SPATA6L: variants seen among roughly 807,000 people sequenced by gnomAD.
SPATA6L encodes spermatogenesis associated 6-like protein.
Under a neutral mutation model 49.2 loss-of-function variants are expected in SPATA6L, and 68 were observed. That is an observed-to-expected ratio of 1.38 (90% CI 1.14 to 1.69). The LOEUF (loss-of-function observed/expected upper bound fraction) is 1.69. Among genes scored for constraint, SPATA6L ranks in the 40% most tolerant of loss-of-function variants. The probability of loss-of-function intolerance (pLI) is 0.00; values close to 1 mark genes in which losing one functional copy is unlikely to be tolerated. For missense variants in SPATA6L, 668 were observed against 464.3 expected (o/e 1.44, Z -4.03); for synonymous variants, 198 against 165.7 (o/e 1.19, Z -1.50).
In SPATA6L at chr9:4,599,858, G is replaced by A. The variant is rs986853011; in HGVS notation, c.*953C>T. Among the ~76,000 whole-genome samples the A allele has an allele frequency of 1.3e-5, 2 of 152,168 alleles. No individual in the cohort carries two copies. The highest frequency in any genetic ancestry group is 2.4e-5 in the African/African-American group (1 of 41,424). On this transcript the variant is annotated 3_prime_UTR_variant, in exon 12 of 12. Coordinates refer to ENST00000682582, the MANE Select transcript of SPATA6L (RefSeq NM_001353486.2). Reference sequence around the variant, plus strand: ...CATTCACACTATAGTAGGGCTGGTAGAGGAAAATGCTATGCTTACACTATG... The same window carrying A: ...CATTCACACTATAGTAGGGCTGGTAAAGGAAAATGCTATGCTTACACTATG...
chr9:4,618,177 G>T, intron 8 of SPATA6L, 67 bp from the exon 9 acceptor site: 1 of 1,420,348 alleles, frequency 7.0e-7, no homozygotes, highest in African/African-American at 1.4e-5. Context: ...AGCTGGGGGT[G>T]GGGGTTGGAC....
rs1228150088 is a variant in SPATA6L at position 4,605,944 on chromosome 9, G to C, written c.996-504C>G. ...AGTGCCAGACAGTGGGCGCAGGCCA[G>C]TGTGTGCGCGCACCGTGCGCGAGCC... On this transcript the variant is annotated intron_variant, in intron 9 of 11. Transcript: ENST00000682582. Among the ~76,000 whole-genome samples the C allele has an allele frequency of 2.0e-5, 3 of 152,170 alleles. No individual in the cohort carries two copies. In the East Asian group the frequency reaches 5.8e-4, roughly 29 times the overall value.
intron 10 of SPATA6L, among the ~76,000 whole-genome samples, 161 bp from the exon 11 acceptor site, chr9:4,604,430 T>A (rs1352204545): frequency 2.0e-5 from 3 of 152,274 alleles, no homozygotes; most frequent in Non-Finnish European, 4.4e-5. Flanking sequence ...TCTTTTTTTG[T>A]AGAGACGAGG....
intron 2 of SPATA6L, among the ~76,000 whole-genome samples, chr9:4,658,002 T>C (rs1306788392): frequency 6.6e-6 from 1 of 152,040 alleles, no homozygotes; most frequent in Non-Finnish European, 1.5e-5. Flanking sequence ...CGTGTAAATA[T>C]TGGAATTACA....
chr9:4,656,497 GAA>G (rs1838254882), intron 2 of SPATA6L, among the ~76,000 whole-genome samples: 2 of 132,034 alleles, frequency 1.5e-5, no homozygotes, highest in South Asian at 2.3e-4. Context: ...AGGAAGGAAG[GAA>G]GGAAGGGAGG....
chr9:4,606,180 G>C (rs1824897628), intron 9 of SPATA6L, among the ~76,000 whole-genome samples: 1 of 151,390 alleles, frequency 6.6e-6, no homozygotes, highest in Admixed American at 6.6e-5. Context: ...TGCTAGCACA[G>C]CAGTCTGAGA....
At chr9:4,627,659 A>G in intron 5 of SPATA6L, 1 of 1,102,714 alleles carries the variant, frequency 9.1e-7, no homozygotes, top group Non-Finnish European at 1.2e-6. Flanking sequence ...GCAAAACAGA[A>G]AGAAATTGGG....
chr9:4,608,667 G>C (rs370329202), intron 9 of SPATA6L, among the ~76,000 whole-genome samples: 2 of 147,572 alleles, frequency 1.4e-5, no homozygotes, highest in Non-Finnish European at 3.0e-5. Flanking sequence ...GAAATTTATA[G>C]CACTAAATGC....
intron 3 of SPATA6L, among the ~76,000 whole-genome samples, chr9:4,655,540 T>C (rs2130754685): frequency 6.6e-6 from 1 of 150,764 alleles, no homozygotes; most frequent in East Asian, 1.9e-4. Flanking sequence ...TATTTAGTTT[T>C]TTTGTTTTTT....
At chr9:4,620,907 T>G (rs1008651999) in intron 7 of SPATA6L, among the ~76,000 whole-genome samples, 6 of 152,326 alleles carry the variant, frequency 3.9e-5, no homozygotes, top group African/African-American at 1.4e-4. Context: ...CAGGTGATTT[T>G]CAACTCAAAG....
At position 4,666,204 on chromosome 9, in the gene SPATA6L, T is replaced by A. The variant is rs1840843322; in HGVS notation, c.39+8A>T. 6.2e-7 allele frequency: 1 copy of A among 1,614,016 alleles called. No homozygotes were observed. The highest frequency in any genetic ancestry group is 8.5e-7 in the Non-Finnish European group (1 of 1,179,972). ...AGGTTAAGGAGGGGGAGTTCATCGA[T>A]CTCTTACCGCCCGGATCTGCAGCTC... On this transcript the variant is annotated splice_region_variant and intron_variant, in intron 1 of 11. Transcript: ENST00000682582.
chr9:4,636,509 A>G (rs1832837633), intron 3 of SPATA6L, among the ~76,000 whole-genome samples: 1 of 152,230 alleles, frequency 6.6e-6, no homozygotes, highest in South Asian at 2.1e-4. Flanking sequence ...CTTTGACCAC[A>G]CAGCAGGTGC....
chr9:4,646,895 C>G (rs928600075), intron 3 of SPATA6L, among the ~76,000 whole-genome samples: 1 of 151,790 alleles, frequency 6.6e-6, no homozygotes, highest in East Asian at 1.9e-4. Flanking sequence ...ACAGAGGGGA[C>G]CAATACACAC....
chr9:4,604,951 C>T (rs369202202), intron 10 of SPATA6L, among the ~76,000 whole-genome samples: 29 of 152,340 alleles, frequency 1.9e-4, no homozygotes, highest in East Asian at 3.9e-4. Flanking sequence ...CATGTTGTGG[C>T]CTTACATAGC....
intron 13 of SPATA6L, among the ~76,000 whole-genome samples, chr9:4,593,079 A>T (rs1390803781): frequency 6.6e-6 from 1 of 152,188 alleles, no homozygotes; most frequent in Non-Finnish European, 1.5e-5. Flanking sequence ...AGTTGAGGAA[A>T]CTGTGGCTTA....
chr9:4,604,043 A>G (rs4742014), intron 11 of SPATA6L, 136 bp downstream of exon 11: 83,429 of 575,876 alleles, frequency 0.14, 11,230 homozygotes, highest in African/African-American at 0.46. Flanking sequence ...GGAAGAACGC[A>G]GTTCTCAGGT....
intron 6 of SPATA6L, 68 bp from the exon 7 acceptor site, chr9:4,622,578 G>T: frequency 1.8e-6 from 2 of 1,090,390 alleles, no homozygotes; most frequent in Non-Finnish European, 1.4e-6. Flanking sequence ...CTCGTTACCG[G>T]AATGCCTGTC....
intron 7 of SPATA6L, among the ~76,000 whole-genome samples, chr9:4,620,781 T>G (rs1829105433): frequency 6.6e-6 from 1 of 152,210 alleles, no homozygotes; most frequent in African/African-American, 2.4e-5. Context: ...GTGTGATGTG[T>G]GAGTCCCATC....
chr9:4,636,111 C>A (rs75421728), intron 3 of SPATA6L, among the ~76,000 whole-genome samples: 1 of 137,094 alleles, frequency 7.3e-6, no homozygotes, highest in Non-Finnish European at 1.5e-5. Context: ...AAACACAAAG[C>A]CTTTTTTTTT....
Sources: allele counts gnomAD v4.1 joint callset (sites outside exome capture counted in the v4.1 genomes callset), GRCh38; gene constraint gnomAD v4.1.1; transcripts MANE v1.5; gene names NCBI Gene and HGNC (gene_info 2026-07-23, HGNC 2026-07-21).